NUBPL: variants seen among roughly 807,000 people sequenced by gnomAD.
The protein encoded by NUBPL is NUBP iron-sulfur cluster assembly factor, mitochondrial.
In NUBPL, 31 loss-of-function variants were observed where a neutral mutation model predicts 45.7. The ratio of observed to expected loss-of-function variants is 0.68; its 90% CI spans 0.51 to 0.92. The LOEUF is 0.92. NUBPL is among the 40% of genes least tolerant of loss of function. The pLI is 0.00. For synonymous variants in NUBPL, 144 were observed against 140.9 expected, an observed-to-expected ratio of 1.02 and a Z score of -0.15; for missense variants, 401 against 398.7, an observed-to-expected ratio of 1.01 and a Z score of -0.05.
rs183706588 is a variant in NUBPL, at chr14:31,679,646, T to C, written c.513+6072T>C. On this transcript the variant is annotated intron_variant, in intron 6 of 10. Coordinates refer to ENST00000281081, the MANE Select transcript of NUBPL (RefSeq NM_025152.3). The stretch of plus-strand genomic sequence containing the variant: ...TTTAATCCTTACTGTAAAACCACAT[T>C]GTCTTGATTATTATAGCTTTATAGA... Among the ~76,000 whole-genome samples the C allele has an allele frequency of 2.2e-3, 339 of 152,298 alleles. 1 individual carries two copies. The highest frequency in any genetic ancestry group is 7.4e-3 in the African/African-American group (308 of 41,564).
intron 7 of NUBPL, among the ~76,000 whole-genome samples, chr14:31,790,631 C>G (rs1468135196): frequency 2.0e-5 from 3 of 151,890 alleles, no homozygotes; most frequent in Non-Finnish European, 2.9e-5. Context: ...GCAGGCAGAT[C>G]ACGAGGTCAG....
chr14:31,764,482 C>T (rs930454383), intron 6 of NUBPL, among the ~76,000 whole-genome samples: 1 of 152,116 alleles, frequency 6.6e-6, no homozygotes, highest in African/African-American at 2.4e-5. Context: ...CATGACTGAA[C>T]TCCATAATGA....
chr14:31,656,858 T>G (rs1173771895), intron 4 of NUBPL, among the ~76,000 whole-genome samples: 1 of 152,196 alleles, frequency 6.6e-6, no homozygotes, highest in African/African-American at 2.4e-5. Context: ...TGCACAAACC[T>G]TTGATTTGTA....
At chr14:31,659,494 A>C (rs1367256331) in intron 4 of NUBPL, among the ~76,000 whole-genome samples, 2 of 152,228 alleles carry the variant, frequency 1.3e-5, no homozygotes, top group African/African-American at 4.8e-5. Context: ...AACAGTATGT[A>C]AACTGTGTTT....
intron 6 of NUBPL, among the ~76,000 whole-genome samples, chr14:31,778,536 A>G (rs1982013): frequency 0.16 from 24,411 of 152,212 alleles, 5,555 homozygotes; most frequent in African/African-American, 0.51. Context: ...GCCAAATTTT[A>G]TAAACATTTT....
intron 2 of NUBPL, among the ~76,000 whole-genome samples, chr14:31,563,514 C>T (rs1427535829): frequency 6.6e-6 from 1 of 152,072 alleles, no homozygotes; most frequent in Non-Finnish European, 1.5e-5. Flanking sequence ...GAAAAGCTGG[C>T]CCATACTTTT....
At chr14:31,698,509 A>G (rs556813458) in intron 6 of NUBPL, among the ~76,000 whole-genome samples, 13 of 152,262 alleles carry the variant, frequency 8.5e-5, no homozygotes, top group African/African-American at 2.9e-4. Context: ...TTCCCAAAGC[A>G]TAACTCTCAT....
At position 31,778,501 on chromosome 14, in the gene NUBPL, C is replaced by T. The variant is rs555559136; in HGVS notation, c.514-9279C>T. The stretch of plus-strand genomic sequence containing the variant: ...GCTTTTATTATTCTGTTGGTCTGTT[C>T]CACCACCCCAGTGGATGTTAATAGG... On this transcript the variant is annotated intron_variant, in intron 6 of 10. Transcript: ENST00000281081. 5.3e-5 allele frequency among the ~76,000 whole-genome samples: 8 copies of T among 152,288 alleles called. No individual in the cohort carries two copies. In the East Asian group the frequency reaches 1.2e-3, roughly 22 times the overall value.
chr14:31,631,558 A>G (rs1354839020), intron 4 of NUBPL, among the ~76,000 whole-genome samples: 1 of 150,432 alleles, frequency 6.6e-6, no homozygotes, highest in Non-Finnish European at 1.5e-5. Flanking sequence ...GCTAAGTCCC[A>G]AGATCTACAT....
chr14:31,799,968 C>G (rs2039553908), intron 7 of NUBPL, among the ~76,000 whole-genome samples: 1 of 152,218 alleles, frequency 6.6e-6, no homozygotes, highest in South Asian at 2.1e-4. Flanking sequence ...TCTGTTTTAT[C>G]AACTAAGTGT....
intron 4 of NUBPL, among the ~76,000 whole-genome samples, chr14:31,635,627 A>T (rs994576406): frequency 1.3e-5 from 2 of 151,864 alleles, no homozygotes; most frequent in African/African-American, 4.8e-5. Flanking sequence ...TTCTGTGAAG[A>T]AAGTCATTCG....
At chr14:31,846,129 C>T (rs1305930998) in intron 8 of NUBPL, 1 of 326,476 alleles carries the variant, frequency 3.1e-6, no homozygotes. Context: ...TTCCTTCTGT[C>T]TAGAATTCCT....
intron 7 of NUBPL, among the ~76,000 whole-genome samples, chr14:31,814,129 A>G (rs2039869642): frequency 6.6e-6 from 1 of 152,202 alleles, no homozygotes. Flanking sequence ...ACAATGGTTG[A>G]ACTAATTTAC....
chr14:31,683,192 G>C (rs1282681406), intron 6 of NUBPL, among the ~76,000 whole-genome samples: 5 of 151,718 alleles, frequency 3.3e-5, no homozygotes, highest in Non-Finnish European at 7.4e-5. Context: ...GAGGTTTAGA[G>C]AGACATCTAT....
intron 8 of NUBPL, 24 bp from the exon 9 acceptor site, chr14:31,846,447 G>T (rs1280698157): frequency 6.3e-7 from 1 of 1,591,426 alleles, no homozygotes; most frequent in South Asian, 1.1e-5. Flanking sequence ...ATTTTATTTT[G>T]ATTTCAGTGT....
At chr14:31,667,229 T>C (rs558761849) in intron 4 of NUBPL, among the ~76,000 whole-genome samples, 1 of 152,264 alleles carries the variant, frequency 6.6e-6, no homozygotes, top group African/African-American at 2.4e-5. Flanking sequence ...CCCATATTTC[T>C]TGGAGGCTTT....
intron 6 of NUBPL, among the ~76,000 whole-genome samples, chr14:31,695,011 G>A (rs979291995): frequency 6.6e-6 from 1 of 152,204 alleles, no homozygotes; most frequent in Non-Finnish European, 1.5e-5. Context: ...ATACTGTTGT[G>A]CAATGTTTTA....
At chr14:31,741,355 T>A (rs1384175953) in intron 6 of NUBPL, among the ~76,000 whole-genome samples, 1 of 152,180 alleles carries the variant, frequency 6.6e-6, no homozygotes, top group Non-Finnish European at 1.5e-5. Flanking sequence ...CCCTGCTCAC[T>A]GCCCTCCTCC....
At chr14:31,667,149 A>G (rs1474608486) in intron 4 of NUBPL, among the ~76,000 whole-genome samples, 1 of 152,146 alleles carries the variant, frequency 6.6e-6, no homozygotes, top group Non-Finnish European at 1.5e-5. Flanking sequence ...AGTGTTTTCC[A>G]GCTCGGTTAC....
Sources: allele counts gnomAD v4.1 joint callset (sites outside exome capture counted in the v4.1 genomes callset), GRCh38; gene constraint gnomAD v4.1.1; transcripts MANE v1.5; gene names NCBI Gene and HGNC (gene_info 2026-07-23, HGNC 2026-07-21).